SCFD2: variants seen among roughly 807,000 people sequenced by gnomAD.
SCFD2 encodes the protein sec1 family domain-containing protein 2.
In SCFD2, 54 loss-of-function variants were observed where a neutral mutation model predicts 58.9. The ratio of observed to expected loss-of-function variants is 0.92; its 90% CI spans 0.74 to 1.15. The LOEUF (loss-of-function observed/expected upper bound fraction) is 1.15. SCFD2 is among the 50% of genes most tolerant of loss of function. The probability of loss-of-function intolerance (pLI) is 0.00; values close to 1 mark genes in which losing one functional copy is unlikely to be tolerated. For missense variants in SCFD2, 805 were observed against 836.6 expected, an observed-to-expected ratio of 0.96 and a Z score of 0.47; for synonymous variants, 321 against 335.9, an observed-to-expected ratio of 0.96 and a Z score of 0.49.
At chr4:53,001,464 T>G (rs1721864304) in intron 5 of SCFD2, among the ~76,000 whole-genome samples, 2 of 152,210 alleles carry the variant, frequency 1.3e-5, no homozygotes. Flanking sequence ...GATTTGTAAT[T>G]TAAAAAATAC....
At chr4:53,329,491 A>T (rs1733348845) in intron 2 of SCFD2, among the ~76,000 whole-genome samples, 1 of 150,206 alleles carries the variant, frequency 6.7e-6, no homozygotes, top group South Asian at 2.1e-4. Context: ...GCACACTGAC[A>T]CCTCACACGG....
At chr4:53,061,163 A>C (rs1723498102) in intron 5 of SCFD2, among the ~76,000 whole-genome samples, 1 of 152,194 alleles carries the variant, frequency 6.6e-6, no homozygotes, top group Non-Finnish European at 1.5e-5. Context: ...CTTAAAAAAC[A>C]TCAGGTCTTT....
chr4:53,274,445 C>A (rs1425096778), intron 3 of SCFD2, among the ~76,000 whole-genome samples: 1 of 152,044 alleles, frequency 6.6e-6, no homozygotes, highest in African/African-American at 2.4e-5. Context: ...TAGATTATTT[C>A]TCATCTAAAA....
chr4:53,050,023 A>G (rs1036051623), intron 5 of SCFD2, among the ~76,000 whole-genome samples: 30 of 152,196 alleles, frequency 2.0e-4, no homozygotes, highest in African/African-American at 7.0e-4. Context: ...AAAATAAAAC[A>G]CAATAGAAAA....
At chr4:53,240,273 C>G (rs1729854063) in intron 4 of SCFD2, among the ~76,000 whole-genome samples, 1 of 152,150 alleles carries the variant, frequency 6.6e-6, no homozygotes, top group Non-Finnish European at 1.5e-5. Context: ...TCGTAACACA[C>G]ACCATTATTT....
Position 53,001,659 on chromosome 4 carries a change from G to A in SCFD2, c.1562-80789C>T, listed in dbSNP as rs74738416. Among the ~76,000 whole-genome samples the A allele has an allele frequency of 5.2e-3, 785 of 152,302 alleles. 6 individuals are homozygous for A. The highest frequency in any genetic ancestry group is 0.018 in the African/African-American group (748 of 41,568). ...GGTGTATAGGACAATACAAAACGGTGAAGTGTGATTAAAACTTGAACACTC... is the reference window on the plus strand; with the variant it reads ...GGTGTATAGGACAATACAAAACGGTAAAGTGTGATTAAAACTTGAACACTC... On this transcript the variant is annotated intron_variant, in intron 5 of 8. Coordinates refer to ENST00000401642, the MANE Select transcript of SCFD2 (RefSeq NM_152540.4).
chr4:53,192,916 A>T (rs1455492334), intron 4 of SCFD2, among the ~76,000 whole-genome samples: 1 of 152,216 alleles, frequency 6.6e-6, no homozygotes, highest in Non-Finnish European at 1.5e-5. Flanking sequence ...TACACCAAGA[A>T]GGTTTGATTA....
At chr4:53,268,103 G>A (rs1415879067) in intron 4 of SCFD2, among the ~76,000 whole-genome samples, 1 of 152,110 alleles carries the variant, frequency 6.6e-6, no homozygotes, top group Admixed American at 6.5e-5. Context: ...GCTTAGGGCA[G>A]GTTGTCAGAG....
intron 2 of SCFD2, among the ~76,000 whole-genome samples, chr4:53,331,201 A>G (rs1413447293): frequency 4.6e-5 from 7 of 151,844 alleles, no homozygotes; most frequent in South Asian, 2.1e-4. Flanking sequence ...ACAGAAAGTC[A>G]ACAAGGATAC....
At chr4:53,015,598 T>C (rs1722192306) in intron 5 of SCFD2, among the ~76,000 whole-genome samples, 1 of 152,218 alleles carries the variant, frequency 6.6e-6, no homozygotes, top group South Asian at 2.1e-4. Context: ...CCATCACTAT[T>C]AGAAAAATAA....
intron 2 of SCFD2, among the ~76,000 whole-genome samples, chr4:53,330,279 A>G (rs1013491042): frequency 1.3e-4 from 20 of 152,002 alleles, no homozygotes; most frequent in African/African-American, 4.3e-4. Flanking sequence ...GAGCAACTCC[A>G]AGACACATAA....
At chr4:52,924,268 A>G (rs147696809) in intron 5 of SCFD2, among the ~76,000 whole-genome samples, 1 of 152,300 alleles carries the variant, frequency 6.6e-6, no homozygotes, top group East Asian at 1.9e-4. Context: ...TAGATTATAC[A>G]TGAAAGTTAT....
At chr4:52,934,727 A>G (rs1268168072) in intron 5 of SCFD2, among the ~76,000 whole-genome samples, 1 of 152,230 alleles carries the variant, frequency 6.6e-6, no homozygotes, top group Non-Finnish European at 1.5e-5. Flanking sequence ...GGTTGGAGAA[A>G]TGCACAAGGA....
chr4:52,893,660 G>A (rs1341109425), intron 7 of SCFD2, among the ~76,000 whole-genome samples: 1 of 152,218 alleles, frequency 6.6e-6, no homozygotes, highest in African/African-American at 2.4e-5. Flanking sequence ...ATGGCCCCCT[G>A]ACCCAGGGTG....
chr4:53,308,705 AC>A (rs544641591), intron 3 of SCFD2, among the ~76,000 whole-genome samples: 435 of 152,354 alleles, frequency 2.9e-3, no homozygotes, highest in African/African-American at 1.0e-2. Flanking sequence ...CACGTATCAA[AC>A]AAAATTTTAA....
chr4:52,987,347 G>A (rs1048399173), intron 5 of SCFD2, among the ~76,000 whole-genome samples: 4 of 152,202 alleles, frequency 2.6e-5, no homozygotes, highest in African/African-American at 9.7e-5. Context: ...TGACCTATGT[G>A]TCACTCCCTT....
chr4:53,329,782 C>A (rs1335953151), intron 2 of SCFD2, among the ~76,000 whole-genome samples: 2 of 151,456 alleles, frequency 1.3e-5, no homozygotes, highest in East Asian at 1.9e-4. Context: ...AGGCTTCAGA[C>A]GATCAAATTA....
At chr4:53,232,572 A>G (rs1384770721) in intron 4 of SCFD2, among the ~76,000 whole-genome samples, 2 of 152,196 alleles carry the variant, frequency 1.3e-5, no homozygotes, top group Non-Finnish European at 2.9e-5. Context: ...ATGAAATATC[A>G]TAAATTACTC....
At chr4:52,913,738 G>C (rs1280429855) in intron 6 of SCFD2, among the ~76,000 whole-genome samples, 3 of 152,152 alleles carry the variant, frequency 2.0e-5, no homozygotes, top group Non-Finnish European at 4.4e-5. Context: ...CCATTCCCTA[G>C]AGCATTAGAA....
Sources: gnomAD v4.1 joint callset for allele counts (sites outside exome capture counted in the v4.1 genomes callset) on GRCh38, gnomAD v4.1.1 for gene constraint, MANE v1.5 for transcripts, NCBI Gene and HGNC (gene_info 2026-07-23, HGNC 2026-07-21) for gene names.